Variants in ASTN2 observed in about 807,000 individuals in gnomAD.
ASTN2 encodes astrotactin-2.
ASTN2 carries 54 observed loss-of-function variants against 139.8 expected under a neutral mutation model. The observed-to-expected ratio is 0.39, with a 90% CI of 0.31 to 0.48. The LOEUF (loss-of-function observed/expected upper bound fraction) is 0.48. ASTN2 is among the 20% of genes least tolerant of loss of function. The probability of loss-of-function intolerance (pLI) is 0.95; values close to 1 mark genes in which losing one functional copy is unlikely to be tolerated. For synonymous variants in ASTN2, 756 were observed against 719.5 expected (o/e 1.05, Z -0.81); for missense variants, 1,565 against 1,725.1 (o/e 0.91, Z 1.64).
intron 19 of ASTN2, among the ~76,000 whole-genome samples, chr9:116,530,634 C>A (rs919104746): frequency 2.0e-5 from 3 of 151,842 alleles, no homozygotes; most frequent in African/African-American, 7.3e-5. Context: ...GTAACTAAAA[C>A]AAGAAAATAT....
At chr9:116,802,721 G>C (rs1830895957) in intron 13 of ASTN2, among the ~76,000 whole-genome samples, 1 of 152,176 alleles carries the variant, frequency 6.6e-6, no homozygotes, top group South Asian at 2.1e-4. Flanking sequence ...GCTGGCTTCT[G>C]TTAAAAGCAC....
intron 10 of ASTN2, among the ~76,000 whole-genome samples, chr9:116,885,064 C>T (rs979393894): frequency 3.3e-5 from 5 of 151,998 alleles, no homozygotes; most frequent in Non-Finnish European, 5.9e-5. Context: ...TTAGAGACCA[C>T]CACATTTAAC....
At chr9:117,305,252 C>G (rs1270910012) in intron 1 of ASTN2, among the ~76,000 whole-genome samples, 1 of 152,204 alleles carries the variant, frequency 6.6e-6, no homozygotes, top group Non-Finnish European at 1.5e-5. Flanking sequence ...GATCCCTCCT[C>G]TGACTCCTTC....
chr9:116,742,273 C>G (rs1829115268), intron 13 of ASTN2, among the ~76,000 whole-genome samples: 1 of 152,198 alleles, frequency 6.6e-6, no homozygotes, highest in African/African-American at 2.4e-5. Flanking sequence ...GACCTGCTGA[C>G]TCAGATCATT....
chr9:117,197,318 G>A (rs549331466), intron 3 of ASTN2: 30 of 152,310 alleles, frequency 2.0e-4, no homozygotes, highest in African/African-American at 7.0e-4. Context: ...TATATGAGTA[G>A]CTGCACTACC....
chr9:116,643,698 T>C (rs1201832810), intron 17 of ASTN2, among the ~76,000 whole-genome samples: 2 of 152,196 alleles, frequency 1.3e-5, no homozygotes, highest in Non-Finnish European at 2.9e-5. Context: ...ACATAGTACA[T>C]ATATATGTAT....
intron 19 of ASTN2, among the ~76,000 whole-genome samples, chr9:116,603,562 C>A (rs1439797390): frequency 6.6e-6 from 1 of 152,188 alleles, no homozygotes; most frequent in Non-Finnish European, 1.5e-5. Context: ...GAGAAAGCTG[C>A]AAACCAGGAA....
chr9:116,903,454 C>T (rs1306230280), intron 10 of ASTN2, among the ~76,000 whole-genome samples: 2 of 152,184 alleles, frequency 1.3e-5, no homozygotes, highest in Non-Finnish European at 2.9e-5. Flanking sequence ...TCACACGTAC[C>T]TCTTGCAATG....
At chr9:117,320,775 C>T (rs896185703) in intron 1 of ASTN2, among the ~76,000 whole-genome samples, 7 of 152,170 alleles carry the variant, frequency 4.6e-5, no homozygotes, top group Admixed American at 3.9e-4. Context: ...GATCCTTCCT[C>T]AACCCCAAAC....
chr9:116,531,492 A>G (rs1851344732), intron 19 of ASTN2, among the ~76,000 whole-genome samples: 1 of 151,638 alleles, frequency 6.6e-6, no homozygotes, highest in South Asian at 2.1e-4. Flanking sequence ...TATTAGGTAT[A>G]TCTCCTAATG....
intron 20 of ASTN2, among the ~76,000 whole-genome samples, chr9:116,467,758 A>T (rs1056394985): frequency 1.3e-5 from 2 of 152,266 alleles, no homozygotes; most frequent in Non-Finnish European, 2.9e-5. Flanking sequence ...TGATGATTAA[A>T]CAAGATAATG....
intron 1 of ASTN2, among the ~76,000 whole-genome samples, chr9:117,366,971 C>T (rs545143614): frequency 1.5e-4 from 23 of 152,200 alleles, no homozygotes; most frequent in African/African-American, 5.1e-4. Context: ...GACAGGGTTT[C>T]ACCATGTTGG....
intron 3 of ASTN2, among the ~76,000 whole-genome samples, chr9:117,185,625 C>G (rs567175272): frequency 6.6e-6 from 1 of 152,222 alleles, no homozygotes; most frequent in South Asian, 2.1e-4. Context: ...CTAGGGCATT[C>G]AGTATTGGAT....
chr9:116,827,890 CA>C (rs1306585062), intron 11 of ASTN2, among the ~76,000 whole-genome samples: 6 of 151,824 alleles, frequency 4.0e-5, no homozygotes, highest in African/African-American at 1.5e-4. Flanking sequence ...CTCATTCTAT[CA>C]GGCCAGTATC....
intron 19 of ASTN2, among the ~76,000 whole-genome samples, chr9:116,549,690 G>T (rs1852259145): frequency 6.6e-6 from 1 of 152,168 alleles, no homozygotes; most frequent in Admixed American, 6.5e-5. Flanking sequence ...CTCCCAACAT[G>T]CTGAACAGCA....
At chr9:117,332,991 T>C (rs1294496856) in intron 1 of ASTN2, among the ~76,000 whole-genome samples, 1 of 152,118 alleles carries the variant, frequency 6.6e-6, no homozygotes, top group African/African-American at 2.4e-5. Flanking sequence ...GCTGGGGAGA[T>C]AGGGAGTTGA....
intron 11 of ASTN2, among the ~76,000 whole-genome samples, chr9:116,840,914 G>T (rs1455978361): frequency 6.6e-6 from 1 of 151,648 alleles, no homozygotes; most frequent in Admixed American, 6.6e-5. Context: ...AGGCAGAGGG[G>T]CTCCTCACAT....
intron 16 of ASTN2, among the ~76,000 whole-genome samples, chr9:116,694,754 AGC>A (rs1860757597): frequency 6.6e-6 from 1 of 151,368 alleles, no homozygotes. Context: ...TACAGGCATG[AGC>A]CACCACGCCT....
Position 117,048,963 on chromosome 9 carries a change from C to CTTTTTTTTTTTTTTTTTTTTTTTTTTT in ASTN2, c.1277-8999_1277-8998insAAAAAAAAAAAAAAAAAAAAAAAAAAA, listed in dbSNP as rs372277811. On this transcript the variant is annotated intron_variant, in intron 5 of 22. Transcript: ENST00000313400. ...GTGCGCTCTGATTCTTCATCCATTG[C>CTTTTTTTTTTTTTTTTTTTTTTTTTTT]TTTTTTTTTTTTTTTTTGAGACGGA... is the stretch of plus-strand genomic sequence containing the variant. 1.7e-4 allele frequency among the ~76,000 whole-genome samples: 15 copies of CTTTTTTTTTTTTTTTTTTTTTTTTTTT among 89,032 alleles called. 2 individuals carry two copies. The highest frequency in any genetic ancestry group is 2.6e-4 in the Admixed American group (2 of 7,780). The allele number at this position is 89,032 out of a possible 152,430, so 58.4% of individuals were successfully genotyped here.
Sources: gnomAD v4.1 joint callset for allele counts (sites outside exome capture counted in the v4.1 genomes callset) on GRCh38, gnomAD v4.1.1 for gene constraint, MANE v1.5 for transcripts, NCBI Gene and HGNC (gene_info 2026-07-23, HGNC 2026-07-21) for gene names.